The following CA10 variants were observed in gnomAD, a reference collection of about 807,000 sequenced individuals.
CA10 encodes carbonic anhydrase 10 (inactive), also known as carbonic anhydrase-related protein 10.
A neutral mutation model predicts 44.2 loss-of-function variants in CA10; 14 were observed. That is an observed-to-expected ratio of 0.32 (90% CI 0.21 to 0.50). The LOEUF is 0.50. CA10 is among the 20% of genes least tolerant of loss of function. CA10 has a pLI of 0.99. For missense variants in CA10, 350 were observed against 409.7 expected (o/e 0.85, Z 1.26); for synonymous variants, 159 against 141.6 (o/e 1.12, Z -0.87).
chr17:51,865,264 T>A (rs939094445), intron 3 of CA10, among the ~76,000 whole-genome samples: 1 of 152,196 alleles, frequency 6.6e-6, no homozygotes, highest in African/African-American at 2.4e-5. Flanking sequence ...TTTGCTTGTC[T>A]CTCCCCCAGC....
intron 2 of CA10, among the ~76,000 whole-genome samples, chr17:51,983,605 C>T (rs534717411): frequency 1.6e-5 from 2 of 128,756 alleles, no homozygotes; most frequent in South Asian, 6.3e-4. Context: ...TGTATTTCAC[C>T]TTTTATTTGT....
rs1404194548 is a variant in CA10, at chr17:51,960,285, T to C, written c.137-29153A>G. 2.0e-5 allele frequency among the ~76,000 whole-genome samples: 3 copies of C among 152,122 alleles called. No homozygotes were observed. In the East Asian group the frequency reaches 5.8e-4, roughly 29 times the overall value. On this transcript the variant is annotated intron_variant, in intron 2 of 8. Coordinates refer to ENST00000451037, the MANE Select transcript of CA10 (RefSeq NM_020178.5). ...CAGAGCCTCAGGGACCTGTGGGACA[T>C]GTCTTACATTTGTGTTACTAGAATC...
intron 1 of CA10, among the ~76,000 whole-genome samples, chr17:52,105,881 A>G (rs1988651243): frequency 1.3e-5 from 2 of 152,212 alleles, no homozygotes; most frequent in African/African-American, 4.8e-5. Flanking sequence ...AAAAGAAGTA[A>G]GTCATGAGGA....
chr17:51,858,071 T>G (rs1158673476), intron 3 of CA10, among the ~76,000 whole-genome samples: 3 of 152,120 alleles, frequency 2.0e-5, no homozygotes, highest in Admixed American at 2.0e-4. Context: ...TTATGTAAAT[T>G]GAGAAACGGA....
chr17:51,776,230 G>C (rs144713258), intron 3 of CA10, among the ~76,000 whole-genome samples: 1 of 152,102 alleles, frequency 6.6e-6, no homozygotes. Flanking sequence ...GCATAGTGGT[G>C]CATGAGCCTG....
chr17:51,759,984 A>G (rs574702196), intron 3 of CA10, among the ~76,000 whole-genome samples: 4 of 152,242 alleles, frequency 2.6e-5, no homozygotes, highest in Non-Finnish European at 5.9e-5. Context: ...TTAACATACT[A>G]AAACTTGCCT....
intron 5 of CA10, among the ~76,000 whole-genome samples, chr17:51,649,999 AG>A (rs1913501201): frequency 1.3e-5 from 2 of 152,050 alleles, no homozygotes; most frequent in African/African-American, 4.8e-5. Flanking sequence ...CCAGCCAGCC[AG>A]CCAGCCACCC....
At chr17:51,664,770 A>G (rs1203431187) in intron 4 of CA10, among the ~76,000 whole-genome samples, 1 of 152,128 alleles carries the variant, frequency 6.6e-6, no homozygotes, top group Non-Finnish European at 1.5e-5. Context: ...ATATTTCGGG[A>G]GACCACAATG....
chr17:52,143,208 G>A (rs1343249422), intron 1 of CA10, among the ~76,000 whole-genome samples: 1 of 152,016 alleles, frequency 6.6e-6, no homozygotes, highest in African/African-American at 2.4e-5. Context: ...ATCCATCTAT[G>A]TATATAATTA....
chr17:51,977,274 C>A (rs73348663), intron 2 of CA10, among the ~76,000 whole-genome samples: 3,146 of 151,816 alleles, frequency 0.021, 107 homozygotes, highest in African/African-American at 0.072. Flanking sequence ...TGAACCCAGA[C>A]ACAAAAATTC....
At chr17:52,030,301 T>G (rs1345234489) in intron 2 of CA10, among the ~76,000 whole-genome samples, 1 of 152,176 alleles carries the variant, frequency 6.6e-6, no homozygotes, top group Non-Finnish European at 1.5e-5. Context: ...CTGTTGACCT[T>G]TCTCTCTTAA....
At chr17:52,023,760 C>T (rs1284504597) in intron 2 of CA10, among the ~76,000 whole-genome samples, 1 of 150,912 alleles carries the variant, frequency 6.6e-6, no homozygotes, top group Non-Finnish European at 1.5e-5. Flanking sequence ...GTAGACAGAA[C>T]TTAAACAATC....
At chr17:51,807,484 C>T (rs999851651) in intron 3 of CA10, among the ~76,000 whole-genome samples, 1 of 152,206 alleles carries the variant, frequency 6.6e-6, no homozygotes, top group African/African-American at 2.4e-5. Flanking sequence ...GGTCCTCTAG[C>T]TCTTAGATCT....
At chr17:51,860,965 G>A (rs1249057752) in intron 3 of CA10, among the ~76,000 whole-genome samples, 1 of 152,142 alleles carries the variant, frequency 6.6e-6, no homozygotes, top group Non-Finnish European at 1.5e-5. Flanking sequence ...ATGAAGCCAA[G>A]GACAGAAACT....
intron 4 of CA10, among the ~76,000 whole-genome samples, chr17:51,708,350 A>C (rs1915824156): frequency 1.3e-5 from 2 of 152,186 alleles, no homozygotes; most frequent in African/African-American, 2.4e-5. Context: ...ACTTTCACAG[A>C]ATTTTCAATA....
intron 3 of CA10, among the ~76,000 whole-genome samples, chr17:51,859,814 A>C (rs1201077676): frequency 1.3e-5 from 2 of 152,216 alleles, no homozygotes; most frequent in African/African-American, 4.8e-5. Context: ...TTTGGTAAAC[A>C]GGATCATCAT....
At chr17:52,070,264 C>A (rs561244856) in intron 2 of CA10, among the ~76,000 whole-genome samples, 32 of 152,272 alleles carry the variant, frequency 2.1e-4, no homozygotes, top group African/African-American at 5.8e-4. Context: ...TAAATTCAAG[C>A]ATCCCCCATG....
At chr17:51,866,832 C>A (rs895543585) in intron 3 of CA10, among the ~76,000 whole-genome samples, 1 of 152,014 alleles carries the variant, frequency 6.6e-6, no homozygotes, top group South Asian at 2.1e-4. Flanking sequence ...GGTTTTCAAA[C>A]CCTATAAAAT....
In CA10 at chr17:51,737,245, A is replaced by G. The variant is rs189325948; in HGVS notation, c.465+10388T>C. 5.9e-5 allele frequency among the ~76,000 whole-genome samples: 9 copies of G among 152,300 alleles called. No individual in the cohort carries two copies. In the East Asian group the frequency reaches 1.7e-3, roughly 29 times the overall value. ...GTTCCTTGAATATAAAATGGTGCTA[A>G]TAAGTGCTAGCTCAAAAGCTTATTG... On this transcript the variant is annotated intron_variant, in intron 4 of 8. Coordinates refer to ENST00000451037, the MANE Select transcript of CA10 (RefSeq NM_020178.5).
Sources: gnomAD v4.1 joint callset for allele counts (sites outside exome capture counted in the v4.1 genomes callset) on GRCh38, gnomAD v4.1.1 for gene constraint, MANE v1.5 for transcripts, NCBI Gene and HGNC (gene_info 2026-07-23, HGNC 2026-07-21) for gene names.